Variants in EFCAB5 observed in about 807,000 individuals in gnomAD.
EFCAB5 encodes EF-hand calcium binding domain 5.
Under a neutral mutation model 167.9 loss-of-function variants are expected in EFCAB5, and 131 were observed. The observed-to-expected ratio is 0.78, with a 90% CI of 0.68 to 0.90. The LOEUF (loss-of-function observed/expected upper bound fraction) is 0.90. Ranked by LOEUF, EFCAB5 falls within the 40% of genes least tolerant of loss-of-function variation. The pLI, the probability that EFCAB5 is intolerant of heterozygous loss-of-function variation, is 0.00. For missense variants in EFCAB5, 1,663 were observed against 1,745.2 expected (o/e 0.95, Z 0.84); for synonymous variants, 574 against 602.8 (o/e 0.95, Z 0.70).
intron 7 of EFCAB5, among the ~76,000 whole-genome samples, chr17:30,009,968 G>A (rs912451850): frequency 4.6e-5 from 7 of 151,910 alleles, no homozygotes; most frequent in South Asian, 2.1e-4. Context: ...TCCATCCCCC[G>A]ACCCCATGAC....
intron 4 of EFCAB5, among the ~76,000 whole-genome samples, chr17:29,974,042 A>G (rs1288011885): frequency 6.6e-6 from 1 of 151,164 alleles, no homozygotes; most frequent in African/African-American, 2.4e-5. Flanking sequence ...CTGTAATCCC[A>G]GCTGCTCGGG....
At chr17:30,036,991 A>G (rs2069646515) in intron 8 of EFCAB5, among the ~76,000 whole-genome samples, 1 of 152,154 alleles carries the variant, frequency 6.6e-6, no homozygotes, top group Admixed American at 6.5e-5. Flanking sequence ...CTGAGCTCCA[A>G]TCATGGTTGG....
chr17:30,084,762 TCTTTGGCC>T (rs1366091969), intron 18 of EFCAB5, among the ~76,000 whole-genome samples: 1 of 152,178 alleles, frequency 6.6e-6, no homozygotes, highest in Non-Finnish European at 1.5e-5. Flanking sequence ...ATCCATGGGC[TCTTTGGCC>T]CTTTGGCTTC....
At chr17:30,060,764 G>A (rs902760541) in intron 14 of EFCAB5, among the ~76,000 whole-genome samples, 1 of 152,112 alleles carries the variant, frequency 6.6e-6, no homozygotes, top group Non-Finnish European at 1.5e-5. Context: ...ATTCCAAAAG[G>A]CATAATGATG....
intron 7 of EFCAB5, among the ~76,000 whole-genome samples, chr17:30,001,867 A>G (rs2068669756): frequency 6.6e-6 from 1 of 152,168 alleles, no homozygotes; most frequent in Non-Finnish European, 1.5e-5. Context: ...TAATCGTCAC[A>G]CAACTCAGTT....
At chr17:30,103,109 T>C (rs1321394527) in intron 22 of EFCAB5, among the ~76,000 whole-genome samples, 1 of 151,946 alleles carries the variant, frequency 6.6e-6, no homozygotes, top group African/African-American at 2.4e-5. Context: ...TGAGATTACA[T>C]GCGTGAGCCA....
intron 3 of EFCAB5, among the ~76,000 whole-genome samples, chr17:29,960,253 A>G (rs1237223439): frequency 6.6e-6 from 1 of 152,100 alleles, no homozygotes; most frequent in Non-Finnish European, 1.5e-5. Flanking sequence ...TCCTATTCTC[A>G]GTGCCTCTTT....
chr17:30,034,470 T>A, intron 8 of EFCAB5, 85 bp downstream of exon 8: 1 of 1,484,468 alleles, frequency 6.7e-7, no homozygotes, highest in Non-Finnish European at 9.0e-7. Flanking sequence ...AGGCTGAGGC[T>A]GGTGGATTAC....
chr17:30,080,196 A>T lies in EFCAB5; in HGVS notation c.3152A>T (p.Gln1051Leu). ...GTGGCTTGTACCTTAGATGATGCTC[A>T]ATTTGTACTGAACAGAGTGCTCTAC... ...RNVACTLDDA[Q>L]FVLNRVLYRD... Residue 1051 changes from glutamine (Q) to leucine (L), a missense_variant, in exon 16 of 23, where the codon CAA becomes CTA. Physicochemically the swap from Gln to Leu is moderately radical, Grantham distance 113. Transcript: ENST00000394835. The T allele has an allele frequency of 6.2e-7, 1 of 1,613,440 alleles. No individual in the cohort carries two copies.
At chr17:30,068,797 A>C in intron 14 of EFCAB5, 1 of 1,362,206 alleles carries the variant, frequency 7.3e-7, no homozygotes, top group Non-Finnish European at 1.1e-6. Flanking sequence ...CCGCGAAATG[A>C]TTTCTCACAG....
chr17:30,056,159 A>G lies in EFCAB5; in HGVS notation c.2365+3A>G, dbSNP rs1194263414. ...CTATGGTAACTCCAGGTTCACAGGTACATGTTAACAATGAAAGTAGGAATA... is the reference window on the plus strand; with the variant it reads ...CTATGGTAACTCCAGGTTCACAGGTGCATGTTAACAATGAAAGTAGGAATA... On this transcript the variant is annotated splice_donor_region_variant and intron_variant, in intron 12 of 22. Coordinates refer to ENST00000394835, the MANE Select transcript of EFCAB5 (RefSeq NM_198529.4). 2.5e-6 allele frequency: 4 copies of G among 1,603,470 alleles called. No homozygotes were observed. Among genetic ancestry groups the G allele is most frequent in the Non-Finnish European group, 3.4e-6 (4 of 1,174,168 alleles).
chr17:29,950,206 T>G (rs1000999685), intron 3 of EFCAB5, among the ~76,000 whole-genome samples: 1 of 152,160 alleles, frequency 6.6e-6, no homozygotes, highest in Admixed American at 6.5e-5. Context: ...AAAACATTTA[T>G]GATGATCTGC....
At chr17:29,963,237 T>C (rs969827982) in intron 3 of EFCAB5, among the ~76,000 whole-genome samples, 4 of 152,188 alleles carry the variant, frequency 2.6e-5, no homozygotes, top group Non-Finnish European at 5.9e-5. Context: ...CCACCACACC[T>C]GGCCAACTGT....
chr17:29,936,980 T>C (rs1208419838), upstream of EFCAB5, among the ~76,000 whole-genome samples: 1 of 152,156 alleles, frequency 6.6e-6, no homozygotes, highest in East Asian at 1.9e-4. Context: ...AAATAAGCAT[T>C]TTTCTGGGAC....
chr17:30,034,214 T>G lies in EFCAB5; in HGVS notation c.1045-16T>G. ...GTTTTAAGTCAATCGTTTATCCTCT[T>G]TTTTTTCCCCTGTAGTACATCTCTT... On this transcript the variant is annotated splice_polypyrimidine_tract_variant and intron_variant, in intron 7 of 22. Transcript: ENST00000394835. 6.2e-7 allele frequency: 1 copy of G among 1,611,686 alleles called. No homozygotes were observed. The highest frequency in any genetic ancestry group is 8.5e-7 in the Non-Finnish European group (1 of 1,178,720).
intron 14 of EFCAB5, among the ~76,000 whole-genome samples, chr17:30,061,343 T>C (rs2070420140): frequency 2.0e-5 from 3 of 152,188 alleles, no homozygotes; most frequent in Admixed American, 2.0e-4. Flanking sequence ...AGGAAGAAGA[T>C]TCTAAATTTC....
At chr17:29,945,268 A>G (rs1272875209) in intron 3 of EFCAB5, among the ~76,000 whole-genome samples, 1 of 151,664 alleles carries the variant, frequency 6.6e-6, no homozygotes, top group Non-Finnish European at 1.5e-5. Flanking sequence ...TGTTTTCTAA[A>G]CTATAAATTG....
intron 8 of EFCAB5, among the ~76,000 whole-genome samples, chr17:30,046,739 AAT>A (rs1429118526): frequency 2.0e-5 from 3 of 152,194 alleles, no homozygotes; most frequent in African/African-American, 7.2e-5. Flanking sequence ...CCTGTCTGAG[AAT>A]ATTAGCTTTT....
intron 3 of EFCAB5, among the ~76,000 whole-genome samples, chr17:29,965,543 G>A (rs1175761448): frequency 6.6e-6 from 1 of 152,122 alleles, no homozygotes; most frequent in African/African-American, 2.4e-5. Flanking sequence ...ATATATGACT[G>A]TTAGGACTAA....
Sources: allele counts gnomAD v4.1 joint callset (sites outside exome capture counted in the v4.1 genomes callset), GRCh38; gene constraint gnomAD v4.1.1; transcripts MANE v1.5; gene names NCBI Gene and HGNC (gene_info 2026-07-23, HGNC 2026-07-21).